DNAH11: variants seen among roughly 807,000 people sequenced by gnomAD.
DNAH11 encodes dynein axonemal heavy chain 11.
A neutral mutation model predicts 526.0 loss-of-function variants in DNAH11; 442 were observed. That is an observed-to-expected ratio of 0.84 (90% CI 0.78 to 0.91). DNAH11 has a LOEUF of 0.91. Among genes scored for constraint, DNAH11 ranks in the 40% least tolerant of loss-of-function variants. The probability of loss-of-function intolerance (pLI) is 0.00; values close to 1 mark genes in which losing one functional copy is unlikely to be tolerated. For synonymous variants in DNAH11, 2,461 were observed against 1,935.9 expected, an observed-to-expected ratio of 1.27 and a Z score of -7.12; for missense variants, 6,989 against 5,448.7, an observed-to-expected ratio of 1.28 and a Z score of -8.90.
Position 21,735,663 on chromosome 7 carries a change from G to C in DNAH11, c.7464G>C (p.Glu2488Asp). 3 of 1,600,300 alleles carry C rather than the reference G, an allele frequency of 1.9e-6. No individual in the cohort carries two copies. The highest frequency in any genetic ancestry group is 2.6e-6 in the Non-Finnish European group (3 of 1,172,350). The stretch of plus-strand genomic sequence containing the variant: ...AGACAGTTCTCGTTCACACAACAGA[G>C]ACAGCTCGTCTTAGATATTTCATGG... ...PLQTVLVHTT[E>D]TARLRYFMEL... Residue 2488 changes from glutamate to aspartate, a missense_variant, in exon 46 of 82, where the codon GAG becomes GAC. Physicochemically the swap from Glu to Asp is conservative, Grantham distance 45. Coordinates refer to ENST00000409508, the MANE Select transcript of DNAH11 (RefSeq NM_001277115.2).
At chr7:21,764,334 T>G (rs1455015230) in intron 54 of DNAH11, among the ~76,000 whole-genome samples, 2 of 152,210 alleles carry the variant, frequency 1.3e-5, no homozygotes, top group African/African-American at 4.8e-5. Flanking sequence ...ATGGATTTTT[T>G]AAATGCTATA....
intron 27 of DNAH11, 56 bp downstream of exon 27, chr7:21,637,758 T>C (rs372275853): frequency 9.2e-7 from 1 of 1,089,290 alleles, no homozygotes; most frequent in Non-Finnish European, 1.3e-6. Context: ...GAAGTCTTTT[T>C]CACATACCTA....
intron 51 of DNAH11, among the ~76,000 whole-genome samples, chr7:21,745,345 A>G (rs1786098177): frequency 6.6e-6 from 1 of 152,240 alleles, no homozygotes; most frequent in South Asian, 2.1e-4. Flanking sequence ...CATAGTTCAT[A>G]AGGGACAAAG....
At chr7:21,738,314 G>C (rs564494444) in intron 46 of DNAH11, among the ~76,000 whole-genome samples, 1 of 152,164 alleles carries the variant, frequency 6.6e-6, no homozygotes, top group Non-Finnish European at 1.5e-5. Context: ...AGACTCTTCC[G>C]CAGAGATGAC....
At chr7:21,560,984 G>T in intron 4 of DNAH11, 87 bp from the exon 5 acceptor site, 1 of 919,926 alleles carries the variant, frequency 1.1e-6, no homozygotes. Context: ...TGAGTGAAAT[G>T]GAATTTAAAT....
chr7:21,678,945 T>G (rs1783026645), intron 30 of DNAH11, among the ~76,000 whole-genome samples: 1 of 152,210 alleles, frequency 6.6e-6, no homozygotes, highest in Non-Finnish European at 1.5e-5. Context: ...TCATTGCAGC[T>G]TTATTCACAA....
Position 21,615,210 on chromosome 7 carries a change from A to G in DNAH11, c.3949A>G (p.Lys1317Glu). 1.2e-6 allele frequency: 2 copies of G among 1,613,570 alleles called. No homozygotes were observed. The highest frequency in any genetic ancestry group is 1.7e-6 in the Non-Finnish European group (2 of 1,179,630). Residue 1317 changes from lysine to glutamate, a missense_variant, in exon 21 of 82, where the codon AAA (lysine) becomes GAA (glutamate). Lys to Glu is a moderately conservative substitution (Grantham distance 56). Coordinates refer to ENST00000409508, the MANE Select transcript of DNAH11 (RefSeq NM_001277115.2). ...GGCTCTTCCAGAGTACAAACAAATG[A>G]AACAGTGTCGCAAAGAAATAAAATT... ...EVALPEYKQM[K>E]QCRKEIKLLK...
At chr7:21,741,293 T>TA (rs1785882795) in intron 48 of DNAH11, among the ~76,000 whole-genome samples, 1 of 152,248 alleles carries the variant, frequency 6.6e-6, no homozygotes, top group Non-Finnish European at 1.5e-5. Context: ...CGTCTGTTTT[T>TA]ATTGCTGAAT....
intron 65 of DNAH11, among the ~76,000 whole-genome samples, chr7:21,824,911 A>T (rs1790209474): frequency 6.6e-6 from 1 of 152,116 alleles, no homozygotes; most frequent in Admixed American, 6.6e-5. Flanking sequence ...TTGCTCTGTC[A>T]TCCAGGCTGG....
At position 21,739,557 on chromosome 7, in the gene DNAH11, T is replaced by C. The variant is rs746439564; in HGVS notation, c.7812-14T>C. ...CCAGTTTTTGGATTTAAGGTTCTGTTTTCTGTCTTTCAGGTATGATAGACA... is the reference window on the plus strand; with the variant it reads ...CCAGTTTTTGGATTTAAGGTTCTGTCTTCTGTCTTTCAGGTATGATAGACA... On this transcript the variant is annotated splice_polypyrimidine_tract_variant and intron_variant, in intron 47 of 81. Coordinates refer to ENST00000409508, the MANE Select transcript of DNAH11 (RefSeq NM_001277115.2). 6.2e-7 allele frequency: 1 copy of C among 1,604,796 alleles called. No individual in the cohort carries two copies.
chr7:21,593,837 C>T (rs1484070548), intron 14 of DNAH11, among the ~76,000 whole-genome samples: 1 of 152,048 alleles, frequency 6.6e-6, no homozygotes, highest in Non-Finnish European at 1.5e-5. Flanking sequence ...AGTCCTTAAT[C>T]CATGAATACT....
At chr7:21,691,853 T>C (rs1306372152) in intron 35 of DNAH11, among the ~76,000 whole-genome samples, 1 of 152,216 alleles carries the variant, frequency 6.6e-6, no homozygotes, top group Non-Finnish European at 1.5e-5. Context: ...TTTTTTATTA[T>C]AATGAAGTAG....
intron 57 of DNAH11, among the ~76,000 whole-genome samples, chr7:21,780,319 A>AG (rs1247237142): frequency 6.6e-6 from 1 of 152,152 alleles, no homozygotes; most frequent in Non-Finnish European, 1.5e-5. Context: ...CAGAGGCAGG[A>AG]GGATAGCTTC....
intron 25 of DNAH11, among the ~76,000 whole-genome samples, chr7:21,633,508 AT>A (rs1786716570): frequency 6.6e-6 from 1 of 152,200 alleles, no homozygotes. Flanking sequence ...GTTCATATAC[AT>A]TTTAAATCAC....
intron 61 of DNAH11, among the ~76,000 whole-genome samples, chr7:21,792,380 T>G (rs1278841929): frequency 6.6e-6 from 1 of 152,216 alleles, no homozygotes; most frequent in African/African-American, 2.4e-5. Flanking sequence ...TCTTGCTGTG[T>G]TCTTGTCTAG....
At chr7:21,768,087 T>C (rs1163750172) in intron 55 of DNAH11, among the ~76,000 whole-genome samples, 1 of 152,198 alleles carries the variant, frequency 6.6e-6, no homozygotes, top group African/African-American at 2.4e-5. Flanking sequence ...TTGAACTAAA[T>C]GACAGCTGAC....
At position 21,855,077 on chromosome 7, in the gene DNAH11, G is replaced by A. The variant is rs189505230; in HGVS notation, c.11202+622G>A. 8.2e-4 allele frequency among the ~76,000 whole-genome samples: 106 copies of A among 129,076 alleles called. 3 individuals carry two copies. The East Asian group carries it at 0.024, about 29-fold the overall frequency. 84.7% of individuals were successfully genotyped at this position (129,076 alleles called of 152,430 possible). A position where few individuals can be genotyped will look rare whatever the true frequency, so the allele number is the denominator to read the frequency against. Reference sequence around the variant, plus strand: ...GATGGAGTCTCCCTCTGTCGCCCACGCTGGAGTGCAGTGGCGCGATCTTGG... The same window carrying A: ...GATGGAGTCTCCCTCTGTCGCCCACACTGGAGTGCAGTGGCGCGATCTTGG... On this transcript the variant is annotated intron_variant, in intron 68 of 81. Coordinates refer to ENST00000409508, the MANE Select transcript of DNAH11 (RefSeq NM_001277115.2).
chr7:21,607,885 C>T (rs1289425129), intron 20 of DNAH11, among the ~76,000 whole-genome samples: 1 of 139,970 alleles, frequency 7.1e-6, no homozygotes, highest in Non-Finnish European at 1.5e-5. Context: ...TTGCAGTGAG[C>T]CGAGATTGCG....
intron 73 of DNAH11, among the ~76,000 whole-genome samples, chr7:21,869,919 G>A (rs1303694212): frequency 1.3e-5 from 2 of 152,152 alleles, no homozygotes; most frequent in Non-Finnish European, 2.9e-5. Context: ...AGCATTAGGG[G>A]GCACCTGAGG....
Sources: allele counts gnomAD v4.1 joint callset (sites outside exome capture counted in the v4.1 genomes callset), GRCh38; gene constraint gnomAD v4.1.1; transcripts MANE v1.5; gene names NCBI Gene and HGNC (gene_info 2026-07-23, HGNC 2026-07-21).